Variants in ADAMTSL1 observed in about 807,000 individuals in gnomAD.
ADAMTSL1 encodes the protein ADAMTS like 1.
In ADAMTSL1, 126 loss-of-function variants were observed where a neutral mutation model predicts 201.8. The observed-to-expected ratio is 0.62, with a 90% CI of 0.54 to 0.72. The LOEUF (loss-of-function observed/expected upper bound fraction) is 0.72. ADAMTSL1 is among the 30% of genes least tolerant of loss of function. The pLI is 0.00. For synonymous variants in ADAMTSL1, 1,121 were observed against 903.4 expected, an observed-to-expected ratio of 1.24 and a Z score of -4.32; for missense variants, 2,679 against 2,277.8, an observed-to-expected ratio of 1.18 and a Z score of -3.59.
At chr9:18,744,407 T>C (rs560960) in intron 15 of ADAMTSL1, among the ~76,000 whole-genome samples, 119,563 of 152,186 alleles carry the variant, frequency 0.79, 47,139 homozygotes, top group Non-Finnish European at 0.82. Flanking sequence ...GTCACAAATG[T>C]CCTTCTCCTC....
At chr9:18,238,371 G>A (rs1046924360) in intron 2 of ADAMTSL1, among the ~76,000 whole-genome samples, 1 of 152,178 alleles carries the variant, frequency 6.6e-6, no homozygotes. Flanking sequence ...GGGAGGAGGA[G>A]GAGGAAATGC....
At chr9:18,694,769 C>G (rs1831449750) in intron 13 of ADAMTSL1, among the ~76,000 whole-genome samples, 1 of 152,196 alleles carries the variant, frequency 6.6e-6, no homozygotes, top group African/African-American at 2.4e-5. Flanking sequence ...CTTCTCACAG[C>G]TCCACTAGGC....
chr9:18,287,623 A>AT (rs370133761), intron 2 of ADAMTSL1, among the ~76,000 whole-genome samples: 2 of 143,320 alleles, frequency 1.4e-5, no homozygotes. Flanking sequence ...GTATGTGTAT[A>AT]CATATACGCA....
chr9:18,378,816 G>GT (rs1554668868), intron 2 of ADAMTSL1, among the ~76,000 whole-genome samples: 3 of 151,916 alleles, frequency 2.0e-5, no homozygotes, highest in African/African-American at 7.3e-5. Context: ...GTTTTTTGTT[G>GT]TTGTTTGTTT....
intron 20 of ADAMTSL1, among the ~76,000 whole-genome samples, chr9:18,799,037 G>A (rs1286310333): frequency 6.6e-6 from 1 of 152,118 alleles, no homozygotes; most frequent in Non-Finnish European, 1.5e-5. Flanking sequence ...CTCTCAGCAT[G>A]GAGATGGCCA....
At chr9:18,660,001 G>A (rs1410984383) in intron 8 of ADAMTSL1, among the ~76,000 whole-genome samples, 1 of 152,060 alleles carries the variant, frequency 6.6e-6, no homozygotes, top group African/African-American at 2.4e-5. Context: ...AGAGTGTGAT[G>A]TCAGCAACCT....
intron 2 of ADAMTSL1, among the ~76,000 whole-genome samples, chr9:18,526,317 T>C (rs554251932): frequency 6.6e-6 from 1 of 152,368 alleles, no homozygotes; most frequent in African/African-American, 2.4e-5. Flanking sequence ...CCCTTTGTTT[T>C]GAGCCTATGT....
intron 2 of ADAMTSL1, among the ~76,000 whole-genome samples, chr9:18,334,853 G>C (rs1047461245): frequency 1.3e-5 from 2 of 152,102 alleles, no homozygotes; most frequent in Admixed American, 6.5e-5. Context: ...TTTTTGCCCA[G>C]TATCCAAGTC....
At chr9:18,103,341 A>G (rs907829992) in intron 1 of ADAMTSL1, among the ~76,000 whole-genome samples, 10 of 152,174 alleles carry the variant, frequency 6.6e-5, no homozygotes, top group South Asian at 2.1e-4. Context: ...CATGCTACAT[A>G]TATTGTTAGA....
chr9:18,646,869 G>A (rs1306269481), intron 7 of ADAMTSL1, among the ~76,000 whole-genome samples: 1 of 151,906 alleles, frequency 6.6e-6, no homozygotes, highest in Non-Finnish European at 1.5e-5. Flanking sequence ...TTGTGTCTCT[G>A]CCCGGCTTTG....
intron 17 of ADAMTSL1, among the ~76,000 whole-genome samples, chr9:18,772,616 A>G (rs764993285): frequency 1.3e-5 from 2 of 152,214 alleles, no homozygotes. Flanking sequence ...TGGAAATATA[A>G]TAGTATCCAT....
chr9:18,503,505 T>C (rs1486243530), intron 1 of ADAMTSL1, among the ~76,000 whole-genome samples: 1 of 151,124 alleles, frequency 6.6e-6, no homozygotes, highest in Non-Finnish European at 1.5e-5. Context: ...TTATGTGCTT[T>C]TTATGTATCA....
chr9:18,051,178 G>A (rs1051048186), intron 1 of ADAMTSL1, among the ~76,000 whole-genome samples: 5 of 152,134 alleles, frequency 3.3e-5, no homozygotes, highest in African/African-American at 7.2e-5. Context: ...GCGGGCGCCT[G>A]TAGCCCCAGC....
chr9:18,003,911 A>C (rs1473277235), intron 1 of ADAMTSL1, among the ~76,000 whole-genome samples: 2 of 152,040 alleles, frequency 1.3e-5, no homozygotes, highest in African/African-American at 4.8e-5. Context: ...TTTACATTCA[A>C]ATCGTTTTCC....
chr9:18,424,855 T>G (rs138903889), intron 2 of ADAMTSL1, among the ~76,000 whole-genome samples: 1 of 152,212 alleles, frequency 6.6e-6, no homozygotes, highest in Non-Finnish European at 1.5e-5. Context: ...CATACTGTTA[T>G]GGCGTTTGAA....
intron 5 of ADAMTSL1, among the ~76,000 whole-genome samples, chr9:18,623,301 G>C (rs563629653): frequency 6.6e-6 from 1 of 151,436 alleles, no homozygotes. Context: ...TCACACAATC[G>C]TCCCATGTAA....
At chr9:18,434,400 A>G (rs954016003) in intron 2 of ADAMTSL1, among the ~76,000 whole-genome samples, 33 of 152,168 alleles carry the variant, frequency 2.2e-4, no homozygotes, top group African/African-American at 7.0e-4. Context: ...ATGGAAACCT[A>G]CAGTACGCCT....
chr9:18,264,404 C>T lies in ADAMTSL1; in HGVS notation c.207+100423C>T, dbSNP rs750561697. Among the ~76,000 whole-genome samples, 7 of 152,106 alleles carry T rather than the reference C, an allele frequency of 4.6e-5. No homozygotes were observed. The East Asian group carries it at 5.8e-4, about 13-fold the overall frequency. On this transcript the variant is annotated intron_variant, in intron 2 of 29. Coordinates refer to the ADAMTSL1 transcript ENST00000680146. ...TTGTATACCAGCCCTGACTCCTGCCCGGTGTCTAAGCAACTTGATACCACG... is the reference window on the plus strand; with the variant it reads ...TTGTATACCAGCCCTGACTCCTGCCTGGTGTCTAAGCAACTTGATACCACG...
chr9:18,147,014 T>C (rs555338221), intron 1 of ADAMTSL1, among the ~76,000 whole-genome samples: 3 of 152,254 alleles, frequency 2.0e-5, no homozygotes, highest in African/African-American at 7.2e-5. Context: ...ATTGAATTAC[T>C]TACAGGTTTT....
Sources: allele counts gnomAD v4.1 joint callset (sites outside exome capture counted in the v4.1 genomes callset), GRCh38; gene constraint gnomAD v4.1.1; transcripts MANE v1.5; gene names NCBI Gene and HGNC (gene_info 2026-07-23, HGNC 2026-07-21).